Variants in RTN1 observed in about 807,000 individuals in gnomAD.
RTN1 encodes reticulon-1.
A neutral mutation model predicts 65.5 loss-of-function variants in RTN1; 25 were observed. The ratio of observed to expected loss-of-function variants is 0.38; its 90% CI spans 0.28 to 0.53. The LOEUF (loss-of-function observed/expected upper bound fraction) is 0.53. Ranked by LOEUF, RTN1 falls within the 20% of genes least tolerant of loss-of-function variation. The pLI is 0.79. For synonymous variants in RTN1, 471 were observed against 447.6 expected (o/e 1.05, Z -0.66); for missense variants, 983 against 1,025.4 (o/e 0.96, Z 0.57).
rs760354978 is a variant in RTN1 at position 59,870,469 on chromosome 14, C to A, written c.162G>T (p.Arg54Ser). 6.7e-7 allele frequency: 1 copy of A among 1,482,490 alleles called. No homozygotes were observed. Among genetic ancestry groups the A allele is most frequent in the South Asian group, 1.3e-5 (1 of 78,020 alleles). 91.8% of individuals were successfully genotyped at this position (1,482,490 alleles called of 1,614,324 possible). ...CTTCCCGCGACGCCGCTTCCCGGGC[C>A]CTGGCGCCCAACCCCGGGCTGGGCT... is the stretch of plus-strand genomic sequence containing the variant. ...AGEPSPGLGA[R>S]AREAASREAG... The change falls in exon 1 of 9, where the codon AGG (arginine) becomes AGT (serine). Residue 54 changes from arginine (R) to serine (S), a missense_variant. Coordinates refer to ENST00000267484, the MANE Select transcript of RTN1 (RefSeq NM_021136.3). This position sits in a 1 kb window ranked among gnomAD's most constrained non-coding sequence, Gnocchi z 5.1.
intron 1 of RTN1, among the ~76,000 whole-genome samples, chr14:59,814,964 A>C (rs1456879535): frequency 6.6e-6 from 1 of 152,220 alleles, no homozygotes; most frequent in Non-Finnish European, 1.5e-5. Context: ...AAATAGTAGT[A>C]AAACTTAAAG....
At chr14:59,769,700 C>G (rs147910325) in intron 1 of RTN1, among the ~76,000 whole-genome samples, 55 of 152,290 alleles carry the variant, frequency 3.6e-4, no homozygotes, top group African/African-American at 1.2e-3. Context: ...ACAGTCTACC[C>G]AATTCCTGAC....
At chr14:59,847,174 T>C (rs1468965656) in intron 1 of RTN1, among the ~76,000 whole-genome samples, 3 of 152,222 alleles carry the variant, frequency 2.0e-5, no homozygotes, top group Admixed American at 6.5e-5. Flanking sequence ...CATACTTCTA[T>C]CGTATTTCTT....
intron 1 of RTN1, among the ~76,000 whole-genome samples, chr14:59,848,603 A>G (rs1362717286): frequency 6.6e-6 from 1 of 152,236 alleles, no homozygotes; most frequent in Non-Finnish European, 1.5e-5. Flanking sequence ...TACATAAAAG[A>G]TCCAAATCCT....
At chr14:59,648,373 G>A (rs553008596) in intron 3 of RTN1, among the ~76,000 whole-genome samples, 1 of 152,268 alleles carries the variant, frequency 6.6e-6, no homozygotes, top group Admixed American at 6.5e-5. Context: ...AAAGAAAGAA[G>A]AGCTGGTACC....
intron 3 of RTN1, among the ~76,000 whole-genome samples, chr14:59,717,399 A>G (rs1175154780): frequency 6.6e-6 from 1 of 152,188 alleles, no homozygotes; most frequent in African/African-American, 2.4e-5. Context: ...CTTGTGTAAT[A>G]AAGTCATGCC....
At chr14:59,601,859 A>G (rs1387276663) in intron 8 of RTN1, among the ~76,000 whole-genome samples, 1 of 152,178 alleles carries the variant, frequency 6.6e-6, no homozygotes, top group Non-Finnish European at 1.5e-5. Context: ...GGTACCACCA[A>G]GTCTCATACT....
chr14:59,810,566 T>C (rs1004452893), intron 1 of RTN1, among the ~76,000 whole-genome samples: 2 of 152,162 alleles, frequency 1.3e-5, no homozygotes, highest in African/African-American at 2.4e-5. Flanking sequence ...CTTCTCCACA[T>C]CAAGGAGCTC....
Position 59,727,743 on chromosome 14 carries a change from T to A in RTN1, c.1016-75A>T. On this transcript the variant is annotated intron_variant, in intron 2 of 8. Transcript: ENST00000267484. The surrounding 1 kb of genome is among the most constrained non-coding windows in gnomAD (Gnocchi z 4.2). ...GACAGATGGACAGAGAGAGGAGGGATAAAACAAAATTCCATTAGGCGAGAT... is the reference window on the plus strand; with the variant it reads ...GACAGATGGACAGAGAGAGGAGGGAAAAAACAAAATTCCATTAGGCGAGAT... 2 of 1,481,574 alleles carry A rather than the reference T, an allele frequency of 1.3e-6. No individual in the cohort carries two copies. Among genetic ancestry groups the A allele is most frequent in the Non-Finnish European group, 8.9e-7 (1 of 1,117,340 alleles). 91.8% of individuals were successfully genotyped at this position (1,481,574 alleles called of 1,614,324 possible). A position where few individuals can be genotyped will look rare whatever the true frequency, so the allele number is the denominator to read the frequency against.
chr14:59,706,038 T>G (rs887663533), intron 3 of RTN1, among the ~76,000 whole-genome samples: 2 of 150,996 alleles, frequency 1.3e-5, no homozygotes, highest in African/African-American at 4.9e-5. Flanking sequence ...GCAATTGTTG[T>G]GGACTTCCTC....
intron 3 of RTN1, among the ~76,000 whole-genome samples, chr14:59,680,817 T>TGAA (rs529899992): frequency 1.6e-4 from 25 of 152,156 alleles, no homozygotes; most frequent in Non-Finnish European, 3.1e-4. Context: ...AATGTGTAAC[T>TGAA]AAGTAACTGA....
At chr14:59,815,322 A>C (rs761156854) in intron 1 of RTN1, among the ~76,000 whole-genome samples, 24 of 152,180 alleles carry the variant, frequency 1.6e-4, no homozygotes, top group Non-Finnish European at 2.9e-4. Context: ...CTGAGGACCC[A>C]CAGCACACAG....
At chr14:59,686,258 G>A (rs540034287) in intron 3 of RTN1, among the ~76,000 whole-genome samples, 24 of 152,232 alleles carry the variant, frequency 1.6e-4, no homozygotes, top group African/African-American at 5.8e-4. Context: ...ACTGGCCTGG[G>A]CGATTATTTT....
chr14:59,682,388 C>T (rs1883763482), intron 3 of RTN1, among the ~76,000 whole-genome samples: 1 of 152,146 alleles, frequency 6.6e-6, no homozygotes, highest in African/African-American at 2.4e-5. Context: ...GTGCTGGCTG[C>T]TGGGTAGATA....
intron 1 of RTN1, among the ~76,000 whole-genome samples, chr14:59,804,922 G>A (rs1566732800): frequency 6.6e-6 from 1 of 152,174 alleles, no homozygotes; most frequent in Non-Finnish European, 1.5e-5. Flanking sequence ...TGAGAATTTT[G>A]CAGATGGTGA....
At position 59,816,636 on chromosome 14, in the gene RTN1, T is replaced by G. The variant is rs1394455998; in HGVS notation, c.241+53754A>C. On this transcript the variant is annotated intron_variant, in intron 1 of 8. Transcript: ENST00000267484. The surrounding 1 kb of genome is among the most constrained non-coding windows in gnomAD (Gnocchi z 4.3). ...ATGAGAAGTGGGGAGGATCATGCTA[T>G]AAAATACCCAGTACTAGCGGGGCAC... Among the ~76,000 whole-genome samples, 1 of 152,100 alleles carries G rather than the reference T, an allele frequency of 6.6e-6. No individual in the cohort carries two copies. Among genetic ancestry groups the G allele is most frequent in the Non-Finnish European group, 1.5e-5 (1 of 67,986 alleles).
chr14:59,828,830 A>G (rs562341009), intron 1 of RTN1, among the ~76,000 whole-genome samples: 2 of 152,316 alleles, frequency 1.3e-5, no homozygotes, highest in South Asian at 4.1e-4. Context: ...AACTCAAAAG[A>G]TACATATACT....
chr14:59,723,660 T>C (rs903426725), intron 3 of RTN1, among the ~76,000 whole-genome samples: 2 of 152,116 alleles, frequency 1.3e-5, no homozygotes, highest in Non-Finnish European at 2.9e-5. Flanking sequence ...AATAAAACTC[T>C]GCTTCCCAAG....
intron 1 of RTN1, among the ~76,000 whole-genome samples, chr14:59,832,248 T>C (rs1594759777): frequency 6.6e-6 from 1 of 152,220 alleles, no homozygotes; most frequent in Non-Finnish European, 1.5e-5. Flanking sequence ...CTCTTTTCCA[T>C]ATTGAAGAAC....
Sources: gnomAD v4.1 joint callset for allele counts (sites outside exome capture counted in the v4.1 genomes callset) on GRCh38, gnomAD v4.1.1 for gene constraint, Gnocchi (gnomAD v3.1) non-coding constraint, MANE v1.5 for transcripts, NCBI Gene and HGNC (gene_info 2026-07-23, HGNC 2026-07-21) for gene names.